Variants in ROBO1 observed in about 807,000 individuals in gnomAD.
ROBO1 encodes the protein roundabout guidance receptor 1, also known as roundabout homolog 1.
ROBO1 carries 149 observed loss-of-function variants against 195.9 expected under a neutral mutation model. The ratio of observed to expected loss-of-function variants is 0.76; its 90% CI spans 0.67 to 0.87. The LOEUF is 0.87. ROBO1 is among the 40% of genes least tolerant of loss of function. ROBO1 has a pLI of 0.00. For synonymous variants in ROBO1, 816 were observed against 733.2 expected, an observed-to-expected ratio of 1.11 and a Z score of -1.82; for missense variants, 1,933 against 2,068.3, an observed-to-expected ratio of 0.93 and a Z score of 1.27.
intron 4 of ROBO1, among the ~76,000 whole-genome samples, chr3:78,869,736 T>C (rs1372120235): frequency 6.6e-6 from 1 of 152,116 alleles, no homozygotes; most frequent in African/African-American, 2.4e-5. Flanking sequence ...TGGGGTTACA[T>C]ACATGGGCCG....
chr3:78,670,594 A>G, intron 10 of ROBO1: 1 of 311,812 alleles, frequency 3.2e-6, no homozygotes, highest in South Asian at 5.0e-5. Flanking sequence ...TGAAGTAGAT[A>G]CAGAGACGTG....
intron 2 of ROBO1, among the ~76,000 whole-genome samples, chr3:79,513,515 C>T (rs965449684): frequency 5.9e-5 from 9 of 152,036 alleles, no homozygotes; most frequent in Admixed American, 5.9e-4. Flanking sequence ...AAAGTTCCCT[C>T]TTTCACCTCC....
intron 2 of ROBO1, among the ~76,000 whole-genome samples, chr3:79,369,715 A>G (rs1320315908): frequency 1.3e-5 from 2 of 151,934 alleles, no homozygotes; most frequent in African/African-American, 4.8e-5. Flanking sequence ...TCCCAAGTGA[A>G]TGAGCAGATT....
intron 2 of ROBO1, among the ~76,000 whole-genome samples, chr3:79,387,546 A>C (rs1009474429): frequency 1.3e-5 from 2 of 151,816 alleles, no homozygotes; most frequent in Non-Finnish European, 2.9e-5. Flanking sequence ...CATGGTTAGC[A>C]AGTCTTTTTA....
chr3:79,413,476 T>C (rs886673894), intron 2 of ROBO1, among the ~76,000 whole-genome samples: 34 of 152,046 alleles, frequency 2.2e-4, no homozygotes, highest in African/African-American at 7.9e-4. Context: ...TGTGGTCAGG[T>C]GTGGAGAAAG....
intron 3 of ROBO1, among the ~76,000 whole-genome samples, chr3:79,079,964 T>C (rs1417134742): frequency 6.6e-6 from 1 of 151,578 alleles, no homozygotes; most frequent in East Asian, 1.9e-4. Flanking sequence ...TTAAAAAACA[T>C]TCAGAAACAA....
chr3:78,748,379 C>A (rs932185928), intron 4 of ROBO1, among the ~76,000 whole-genome samples: 1 of 151,808 alleles, frequency 6.6e-6, no homozygotes, highest in African/African-American at 2.4e-5. Flanking sequence ...CAGGAGGTGG[C>A]GGTTGTGGTG....
chr3:78,823,647 C>T (rs973945280), intron 4 of ROBO1, among the ~76,000 whole-genome samples: 1 of 152,280 alleles, frequency 6.6e-6, no homozygotes, highest in African/African-American at 2.4e-5. Flanking sequence ...ACTTTTACCT[C>T]GTGGTCTTTG....
At chr3:79,620,220 C>T (rs879766480) in intron 1 of ROBO1, among the ~76,000 whole-genome samples, 1 of 152,156 alleles carries the variant, frequency 6.6e-6, no homozygotes, top group Admixed American at 6.5e-5. Context: ...ACTCCCAGAG[C>T]CCCTGGAACT....
At chr3:78,908,144 A>G (rs1253128239) in intron 4 of ROBO1, among the ~76,000 whole-genome samples, 1 of 151,920 alleles carries the variant, frequency 6.6e-6, no homozygotes, top group Admixed American at 6.6e-5. Flanking sequence ...GAAGAAATAT[A>G]TAACTGAATT....
intron 2 of ROBO1, among the ~76,000 whole-genome samples, chr3:79,338,595 C>T (rs937425348): frequency 2.0e-5 from 3 of 152,124 alleles, no homozygotes; most frequent in Admixed American, 2.0e-4. Context: ...CCATCCCTCC[C>T]TTTGATGTAT....
At chr3:78,788,841 A>G (rs1204273316) in intron 4 of ROBO1, among the ~76,000 whole-genome samples, 3 of 151,944 alleles carry the variant, frequency 2.0e-5, no homozygotes, top group Admixed American at 1.3e-4. Flanking sequence ...TAGAAAAATG[A>G]TATCTCTAAT....
chr3:79,764,348 G>T (rs191699318), intron 1 of ROBO1, among the ~76,000 whole-genome samples: 2 of 152,332 alleles, frequency 1.3e-5, no homozygotes, highest in Admixed American at 6.5e-5. Context: ...AGAGATAAAT[G>T]ATTATGTGAC....
chr3:78,638,156 G>T (rs892112542), intron 22 of ROBO1, among the ~76,000 whole-genome samples: 5 of 151,084 alleles, frequency 3.3e-5, no homozygotes, highest in Admixed American at 1.3e-4. Context: ...ATAAATGTAT[G>T]CATGCACACC....
intron 2 of ROBO1, among the ~76,000 whole-genome samples, chr3:79,571,255 T>A (rs1430328287): frequency 1.3e-5 from 2 of 152,084 alleles, no homozygotes; most frequent in Non-Finnish European, 2.9e-5. Context: ...TCCCTGCATA[T>A]CTAGGGCTCC....
At chr3:78,973,550 T>C (rs2107931901) in intron 3 of ROBO1, among the ~76,000 whole-genome samples, 1 of 139,878 alleles carries the variant, frequency 7.1e-6, no homozygotes, top group South Asian at 2.2e-4. Flanking sequence ...TAAGAATATA[T>C]ATAAGAAGCT....
chr3:79,616,665 C>T (rs755658736), intron 1 of ROBO1, among the ~76,000 whole-genome samples: 9 of 152,054 alleles, frequency 5.9e-5, no homozygotes, highest in Non-Finnish European at 7.4e-5. Context: ...GCAGGAGGCA[C>T]GAGTGGCTAG....
In ROBO1 at chr3:78,802,618, C is replaced by T. The variant is rs114740388; in HGVS notation, c.500-55718G>A. Reference sequence around the variant, plus strand: ...ACCTGAATTCTCTTTGCTGAGACTACTTAGTTAATTTTTCTTCCATAAGTA... The same window carrying T: ...ACCTGAATTCTCTTTGCTGAGACTATTTAGTTAATTTTTCTTCCATAAGTA... On this transcript the variant is annotated intron_variant, in intron 4 of 30. Transcript: ENST00000464233. 1.2e-3 allele frequency among the ~76,000 whole-genome samples: 177 copies of T among 152,166 alleles called. 1 individual carries two copies. Among genetic ancestry groups the T allele is most frequent in the African/African-American group, 4.0e-3 (165 of 41,526 alleles).
rs577521950 is a variant in ROBO1 at position 79,412,528 on chromosome 3, G to GA, written c.88+177295dup. On this transcript the variant is annotated intron_variant, in intron 2 of 30. Coordinates refer to ENST00000464233, the MANE Select transcript of ROBO1 (RefSeq NM_002941.4). ...CAAACAGAGGTGGTTGTTAAGGAAAGAAAAAAATCCCACTTGTTCACAGAG... is the reference window on the plus strand; with the variant it reads ...CAAACAGAGGTGGTTGTTAAGGAAAGAAAAAAAATCCCACTTGTTCACAGAG... Among the ~76,000 whole-genome samples, 132 of 152,150 alleles carry GA rather than the reference G, an allele frequency of 8.7e-4. 1 individual carries two copies. The highest frequency in any genetic ancestry group is 1.7e-3 in the Non-Finnish European group (116 of 67,976).
Sources: gnomAD v4.1 joint callset for allele counts (sites outside exome capture counted in the v4.1 genomes callset) on GRCh38, gnomAD v4.1.1 for gene constraint, MANE v1.5 for transcripts, NCBI Gene and HGNC (gene_info 2026-07-23, HGNC 2026-07-21) for gene names.